Variants in SND1 observed in about 807,000 individuals in gnomAD.
SND1 encodes the protein staphylococcal nuclease and tudor domain containing 1, also known as staphylococcal nuclease domain-containing protein 1.
A neutral mutation model predicts 121.7 loss-of-function variants in SND1; 38 were observed. The observed-to-expected ratio is 0.31, with a 90% CI of 0.24 to 0.41. The LOEUF is 0.41. SND1 is among the 10% of genes least tolerant of loss of function. The pLI is 1.00. For synonymous variants in SND1, 401 were observed against 447.4 expected, an observed-to-expected ratio of 0.90 and a Z score of 1.31; for missense variants, 868 against 1,184.6, an observed-to-expected ratio of 0.73 and a Z score of 3.92.
chr7:127,715,684 T>G (rs1252486506), intron 9 of SND1, among the ~76,000 whole-genome samples: 2 of 152,246 alleles, frequency 1.3e-5, no homozygotes, highest in Non-Finnish European at 2.9e-5. Flanking sequence ...TCCTATTTTG[T>G]CAGTTGCCTT....
intron 10 of SND1, among the ~76,000 whole-genome samples, chr7:127,722,225 G>A (rs1025852511): frequency 7.2e-5 from 11 of 151,892 alleles, no homozygotes; most frequent in African/African-American, 2.2e-4. Context: ...GAGAGCCAGC[G>A]CCAAAGGCAA....
intron 12 of SND1, among the ~76,000 whole-genome samples, chr7:127,849,125 C>T (rs907048799): frequency 2.6e-5 from 4 of 152,106 alleles, no homozygotes; most frequent in Non-Finnish European, 4.4e-5. Flanking sequence ...ATTAGCTGAT[C>T]GTTTTAGGCC....
intron 11 of SND1, among the ~76,000 whole-genome samples, chr7:127,808,163 C>CT (rs11418632): frequency 0.31 from 38,470 of 125,510 alleles, 6,363 homozygotes; most frequent in African/African-American, 0.42. Flanking sequence ...TTGATGGCTT[C>CT]TTTTTTTTTT....
chr7:128,055,187 T>G (rs1793116123), intron 16 of SND1, among the ~76,000 whole-genome samples: 1 of 152,028 alleles, frequency 6.6e-6, no homozygotes, highest in East Asian at 1.9e-4. Context: ...AGTCAGGGGG[T>G]TGGGAGGCAG....
At chr7:127,671,746 C>T (rs547763005) in intron 1 of SND1, among the ~76,000 whole-genome samples, 1 of 152,282 alleles carries the variant, frequency 6.6e-6, no homozygotes, top group African/African-American at 2.4e-5. Context: ...GAACTCAAAG[C>T]CAATAGCACT....
chr7:127,786,856 A>C (rs1797822639), intron 10 of SND1, among the ~76,000 whole-genome samples: 1 of 152,042 alleles, frequency 6.6e-6, no homozygotes, highest in Admixed American at 6.5e-5. Context: ...GTTAGCCAGG[A>C]TGGTCTCGAT....
At chr7:128,075,397 C>CTA (rs1439743076) in intron 17 of SND1, among the ~76,000 whole-genome samples, 3 of 152,200 alleles carry the variant, frequency 2.0e-5, no homozygotes, top group Admixed American at 2.0e-4. Context: ...CCGTGCTGAG[C>CTA]TATAAATTTG....
chr7:127,738,799 T>A lies in SND1; in HGVS notation c.1152+17399T>A, dbSNP rs543118391. ...GGGGAGGTAAGAGCTAAGTTACCAGTTTCTGGCTTGCTTTAGGGGGTCACC... is the reference window on the plus strand; with the variant it reads ...GGGGAGGTAAGAGCTAAGTTACCAGATTCTGGCTTGCTTTAGGGGGTCACC... On this transcript the variant is annotated intron_variant, in intron 10 of 23. Transcript: ENST00000354725. 3.3e-5 allele frequency among the ~76,000 whole-genome samples: 5 copies of A among 152,060 alleles called. No homozygotes were observed. In the South Asian group the frequency reaches 1.0e-3, roughly 32 times the overall value.
At chr7:127,867,063 T>A (rs555819299) in intron 12 of SND1, among the ~76,000 whole-genome samples, 5 of 152,314 alleles carry the variant, frequency 3.3e-5, no homozygotes, top group African/African-American at 1.2e-4. Context: ...TATCCTATTA[T>A]ATCTGCTTTT....
In SND1 at chr7:128,085,586, T is replaced by A; in HGVS notation, c.2235-125T>A. ...GGGCCTAGATGGAGTGCAGTTACTG[T>A]CCCCTGTGACACCCGTTGAACCCAG... On this transcript the variant is annotated intron_variant, in intron 19 of 23. Coordinates refer to ENST00000354725, the MANE Select transcript of SND1 (RefSeq NM_014390.4). The surrounding 1 kb of genome is among the most constrained non-coding windows in gnomAD (Gnocchi z 4.4). 1 of 784,302 alleles carries A rather than the reference T, an allele frequency of 1.3e-6. No homozygotes were observed. The highest frequency in any genetic ancestry group is 1.5e-5 in the South Asian group (1 of 65,104). The allele number at this position is 784,302 out of a possible 1,614,324, so 48.6% of individuals were successfully genotyped here. A position where few individuals can be genotyped will look rare whatever the true frequency, so the allele number is the denominator to read the frequency against.
chr7:127,684,411 G>A (rs1338003928), intron 1 of SND1, among the ~76,000 whole-genome samples: 1 of 152,232 alleles, frequency 6.6e-6, no homozygotes, highest in Non-Finnish European at 1.5e-5. Flanking sequence ...TTTGGAATTT[G>A]TGCTTGAATG....
At chr7:128,004,673 A>G (rs1802917277) in intron 16 of SND1, among the ~76,000 whole-genome samples, 1 of 152,186 alleles carries the variant, frequency 6.6e-6, no homozygotes, top group Admixed American at 6.5e-5. Flanking sequence ...TGGTTGCACT[A>G]TTCCTGAGCT....
chr7:127,700,087 T>C (rs566350284), intron 4 of SND1, among the ~76,000 whole-genome samples: 1 of 152,348 alleles, frequency 6.6e-6, no homozygotes, highest in East Asian at 1.9e-4. Context: ...AATTACTGGC[T>C]TGATTACCAT....
In SND1 at chr7:128,092,078, C is replaced by T; in HGVS notation, c.*20C>T. The T allele has an allele frequency of 6.2e-7, 1 of 1,613,590 alleles. No homozygotes were observed. The highest frequency in any genetic ancestry group is 1.3e-5 in the African/African-American group (1 of 75,054). On this transcript the variant is annotated 3_prime_UTR_variant, in exon 24 of 24. Transcript: ENST00000354725. This position sits in a 1 kb window ranked among gnomAD's most constrained non-coding sequence, Gnocchi z 4.9. ...CGCTAAGGAGGGGATCGGGTTTGGC[C>T]CCCAGCCCCGCTCACGCCAGTCCCT...
chr7:127,890,904 C>T lies in SND1; in HGVS notation c.1454+2892C>T, dbSNP rs141003401. 4.7e-4 allele frequency among the ~76,000 whole-genome samples: 71 copies of T among 152,248 alleles called. No homozygotes were observed. The South Asian group carries it at 5.2e-3, about 11-fold the overall frequency. ...AGACTGATGGTGAGAAAATTGGCTT[C>T]AGGGTCATTGCACTGTTGCAGGTTG... is the stretch of plus-strand genomic sequence containing the variant. On this transcript the variant is annotated intron_variant, in intron 13 of 23. Coordinates refer to ENST00000354725, the MANE Select transcript of SND1 (RefSeq NM_014390.4).
At chr7:127,995,056 A>G (rs1198733752) in intron 16 of SND1, among the ~76,000 whole-genome samples, 2 of 152,146 alleles carry the variant, frequency 1.3e-5, no homozygotes, top group Non-Finnish European at 2.9e-5. Context: ...ATTGTCTATA[A>G]CTGCTTTCAT....
At chr7:128,067,487 C>T (rs1793335713) in intron 16 of SND1, among the ~76,000 whole-genome samples, 1 of 152,192 alleles carries the variant, frequency 6.6e-6, no homozygotes, top group African/African-American at 2.4e-5. Flanking sequence ...GAAGAACTTA[C>T]AGCCAGCACC....
At chr7:127,748,519 C>T (rs1469711493) in intron 10 of SND1, among the ~76,000 whole-genome samples, 2 of 152,094 alleles carry the variant, frequency 1.3e-5, no homozygotes, top group Non-Finnish European at 2.9e-5. Flanking sequence ...GAGAATTGGA[C>T]TAAGTATCTG....
intron 10 of SND1, among the ~76,000 whole-genome samples, chr7:127,785,421 C>T (rs1213754965): frequency 6.6e-6 from 1 of 152,102 alleles, no homozygotes; most frequent in Non-Finnish European, 1.5e-5. Context: ...ATGCTCTTCA[C>T]AGAAGGAAAG....
Sources: allele counts gnomAD v4.1 joint callset (sites outside exome capture counted in the v4.1 genomes callset), GRCh38; gene constraint gnomAD v4.1.1; non-coding constraint Gnocchi (gnomAD v3.1); transcripts MANE v1.5; gene names NCBI Gene and HGNC (gene_info 2026-07-23, HGNC 2026-07-21).